FER: variants seen among roughly 807,000 people sequenced by gnomAD.
FER encodes FER tyrosine kinase.
A neutral mutation model predicts 111.0 loss-of-function variants in FER; 63 were observed. That is an observed-to-expected ratio of 0.57 (90% CI 0.46 to 0.70). The LOEUF (loss-of-function observed/expected upper bound fraction) is 0.70. Ranked by LOEUF, FER falls within the 30% of genes least tolerant of loss-of-function variation. The probability of loss-of-function intolerance (pLI) is 0.00; values close to 1 mark genes in which losing one functional copy is unlikely to be tolerated. For synonymous variants in FER, 327 were observed against 313.9 expected, an observed-to-expected ratio of 1.04 and a Z score of -0.44; for missense variants, 914 against 954.0, an observed-to-expected ratio of 0.96 and a Z score of 0.55.
At chr5:108,984,273 T>C (rs969520900) in intron 13 of FER, among the ~76,000 whole-genome samples, 21 of 152,068 alleles carry the variant, frequency 1.4e-4, no homozygotes, top group African/African-American at 4.3e-4. Context: ...TAGAGGAATA[T>C]AGAAAAAGGA....
At chr5:108,967,531 G>A (rs1335152885) in intron 13 of FER, among the ~76,000 whole-genome samples, 1 of 152,104 alleles carries the variant, frequency 6.6e-6, no homozygotes, top group Non-Finnish European at 1.5e-5. Flanking sequence ...GGAGGCCGAG[G>A]TGGATGAATC....
intron 1 of FER, among the ~76,000 whole-genome samples, chr5:108,762,099 C>A (rs1751824386): frequency 6.6e-6 from 1 of 151,810 alleles, no homozygotes; most frequent in East Asian, 1.9e-4. Context: ...ATTTTTAATG[C>A]AGACAGGGTT....
chr5:108,974,246 G>A (rs1761041396), intron 13 of FER, among the ~76,000 whole-genome samples: 1 of 152,172 alleles, frequency 6.6e-6, no homozygotes, highest in Admixed American at 6.5e-5. Flanking sequence ...TCATGATTGA[G>A]GTGATGAACC....
chr5:108,836,361 T>C (rs1272399246), intron 5 of FER, among the ~76,000 whole-genome samples: 2 of 152,244 alleles, frequency 1.3e-5, no homozygotes, highest in East Asian at 3.9e-4. Flanking sequence ...ACTTAGGTGA[T>C]CTTGTATCTA....
At chr5:109,141,332 C>A (rs1446807090) in intron 17 of FER, among the ~76,000 whole-genome samples, 1 of 152,082 alleles carries the variant, frequency 6.6e-6, no homozygotes, top group Non-Finnish European at 1.5e-5. Context: ...TGATAAAATA[C>A]TTGAAGATAA....
At chr5:109,094,905 GTGTT>G (rs1747294510) in intron 16 of FER, among the ~76,000 whole-genome samples, 1 of 152,158 alleles carries the variant, frequency 6.6e-6, no homozygotes, top group South Asian at 2.1e-4. Context: ...AACATTCTGA[GTGTT>G]TGTCAAAGTT....
intron 2 of FER, among the ~76,000 whole-genome samples, chr5:108,784,766 A>G (rs1754492031): frequency 2.0e-5 from 3 of 152,200 alleles, no homozygotes. Context: ...CTGGCTAATT[A>G]TCTGCAGCAG....
At chr5:109,031,404 C>T (rs1242729267) in intron 13 of FER, among the ~76,000 whole-genome samples, 1 of 152,066 alleles carries the variant, frequency 6.6e-6, no homozygotes, top group African/African-American at 2.4e-5. Flanking sequence ...TAGAACTTGT[C>T]CAATGACCAT....
At chr5:108,928,293 G>C (rs1581237930) in intron 10 of FER, among the ~76,000 whole-genome samples, 1 of 150,766 alleles carries the variant, frequency 6.6e-6, no homozygotes, top group African/African-American at 2.4e-5. Flanking sequence ...TATTTTGAAG[G>C]CCTGGTACTT....
At chr5:108,898,681 CTCTT>C (rs917153930) in intron 10 of FER, among the ~76,000 whole-genome samples, 22 of 148,714 alleles carry the variant, frequency 1.5e-4, no homozygotes, top group African/African-American at 5.0e-4. Flanking sequence ...CTCTCTCTTC[CTCTT>C]TCTTTCTTTA....
chr5:109,002,224 A>C (rs1764877664), intron 13 of FER, among the ~76,000 whole-genome samples: 1 of 151,978 alleles, frequency 6.6e-6, no homozygotes, highest in Non-Finnish European at 1.5e-5. Flanking sequence ...TTCAAACTAT[A>C]CTACAAGGCT....
intron 2 of FER, among the ~76,000 whole-genome samples, chr5:108,779,784 C>G (rs1001345955): frequency 6.6e-6 from 1 of 152,094 alleles, no homozygotes; most frequent in Non-Finnish European, 1.5e-5. Flanking sequence ...TTAAAAATCT[C>G]CTTCTTATCT....
chr5:109,007,673 TGAAA>T (rs755451873), intron 13 of FER, among the ~76,000 whole-genome samples: 39 of 152,216 alleles, frequency 2.6e-4, no homozygotes, highest in African/African-American at 7.2e-4. Context: ...ATTCCTCAGT[TGAAA>T]GAGTTTTTGA....
chr5:108,988,132 G>A (rs1411293030), intron 13 of FER, among the ~76,000 whole-genome samples: 2 of 152,036 alleles, frequency 1.3e-5, no homozygotes, highest in Non-Finnish European at 2.9e-5. Context: ...TGCATCCCTG[G>A]TATGAAACCC....
At chr5:109,007,063 G>C (rs62377125) in intron 13 of FER, among the ~76,000 whole-genome samples, 14,424 of 151,996 alleles carry the variant, frequency 0.095, 925 homozygotes, top group Non-Finnish European at 0.13. Flanking sequence ...GAAAATTGAG[G>C]CATTATTTTT....
chr5:109,024,274 C>A (rs987682777), intron 13 of FER, among the ~76,000 whole-genome samples: 5 of 152,180 alleles, frequency 3.3e-5, no homozygotes, highest in Non-Finnish European at 7.3e-5. Flanking sequence ...TAATACTCCT[C>A]AGATGCCTCT....
chr5:108,926,116 TTTTA>T lies in FER; in HGVS notation c.1237-20006_1237-20003del, dbSNP rs540058807. Among the ~76,000 whole-genome samples the T allele has an allele frequency of 1.4e-4, 21 of 151,744 alleles. No individual in the cohort carries two copies. In the South Asian group the frequency reaches 3.1e-3, roughly 22 times the overall value. On this transcript the variant is annotated intron_variant, in intron 10 of 19. Transcript: ENST00000281092. ...TTGTCTTTTCAAAACATTTTGTGCTTTTTATTTATTTTTGAAATTGTTCTTAATT... is the reference window on the plus strand; with the variant it reads ...TTGTCTTTTCAAAACATTTTGTGCTTTTTATTTTTGAAATTGTTCTTAATT...
chr5:108,977,456 A>G (rs887173711), intron 13 of FER, among the ~76,000 whole-genome samples: 1 of 152,144 alleles, frequency 6.6e-6, no homozygotes, highest in African/African-American at 2.4e-5. Context: ...ATATTTTCCA[A>G]TGTATTTAAT....
chr5:109,087,777 G>T (rs767068707), intron 16 of FER, among the ~76,000 whole-genome samples: 22 of 151,498 alleles, frequency 1.5e-4, no homozygotes, highest in Non-Finnish European at 2.2e-4. Flanking sequence ...AAAATTTCAT[G>T]CAACATGTTG....
Sources: allele counts gnomAD v4.1 joint callset (sites outside exome capture counted in the v4.1 genomes callset), GRCh38; gene constraint gnomAD v4.1.1; transcripts MANE v1.5; gene names NCBI Gene and HGNC (gene_info 2026-07-23, HGNC 2026-07-21).